GLG1: variants seen among roughly 807,000 people sequenced by gnomAD.
The protein encoded by GLG1 is Golgi apparatus protein 1.
Under a neutral mutation model 160.5 loss-of-function variants are expected in GLG1, and 38 were observed. That is an observed-to-expected ratio of 0.24 (90% CI 0.18 to 0.31). The LOEUF (loss-of-function observed/expected upper bound fraction) is 0.31, where lower values mean the gene tolerates loss of function less well. Among genes scored for constraint, GLG1 ranks in the 10% least tolerant of loss-of-function variants. GLG1 has a pLI of 1.00. For missense variants in GLG1, 1,373 were observed against 1,505.2 expected, an observed-to-expected ratio of 0.91 and a Z score of 1.45; for synonymous variants, 644 against 543.4, an observed-to-expected ratio of 1.19 and a Z score of -2.57.
chr16:74,456,786 C>G (rs1019582549), intron 24 of GLG1, 31 bp from the exon 25 acceptor site: 4 of 1,280,726 alleles, frequency 3.1e-6, no homozygotes, highest in Admixed American at 1.7e-5. Flanking sequence ...TAAGAAGAAC[C>G]TGAAACTGTA....
intron 2 of GLG1, among the ~76,000 whole-genome samples, chr16:74,525,675 C>T (rs1179520165): frequency 6.7e-6 from 1 of 149,774 alleles, no homozygotes; most frequent in Non-Finnish European, 1.5e-5. Flanking sequence ...CTGAGAAATG[C>T]CTATTCAAAT....
At chr16:74,603,679 T>G (rs1197647440) in intron 1 of GLG1, among the ~76,000 whole-genome samples, 1 of 151,968 alleles carries the variant, frequency 6.6e-6, no homozygotes, top group Non-Finnish European at 1.5e-5. Flanking sequence ...CAACCAAGAA[T>G]AAGTAAAGTA....
In GLG1 at chr16:74,496,658, G is replaced by A. The variant is rs779307079; in HGVS notation, c.775-14C>T. 1.2e-5 allele frequency: 18 copies of A among 1,545,098 alleles called. No homozygotes were observed. Among genetic ancestry groups the A allele is most frequent in the Admixed American group, 6.8e-5 (4 of 58,728 alleles). The stretch of plus-strand genomic sequence containing the variant: ...TGAATGTGCATCCTAAAATAGCGAG[G>A]ATATTAATATTTTAAAACTTTTATC... On this transcript the variant is annotated splice_polypyrimidine_tract_variant and intron_variant, in intron 4 of 25. Transcript: ENST00000422840.
intron 2 of GLG1, among the ~76,000 whole-genome samples, chr16:74,530,646 T>C (rs1485396383): frequency 1.3e-5 from 2 of 151,516 alleles, no homozygotes; most frequent in African/African-American, 4.9e-5. Flanking sequence ...TTTTTTTTTT[T>C]CTTTTTAAGA....
intron 9 of GLG1, among the ~76,000 whole-genome samples, chr16:74,483,614 A>G (rs541012387): frequency 6.6e-6 from 1 of 152,076 alleles, no homozygotes; most frequent in East Asian, 1.9e-4. Flanking sequence ...AAGCTTTACT[A>G]TCATGTAATA....
chr16:74,496,887 G>GGA (rs2016209843), intron 4 of GLG1, among the ~76,000 whole-genome samples: 1 of 152,050 alleles, frequency 6.6e-6, no homozygotes, highest in South Asian at 2.1e-4. Flanking sequence ...TGCTACAAAT[G>GGA]GAAACAGAGA....
At chr16:74,485,998 C>T (rs1022360943) in intron 8 of GLG1, 81 bp from the exon 9 acceptor site, 9 of 1,098,836 alleles carry the variant, frequency 8.2e-6, no homozygotes, top group East Asian at 4.8e-5. Context: ...CATTCAGTTG[C>T]TCAGTCCTAT....
chr16:74,477,977 A>AAAAAAAATAAATAAAT (rs55773213), intron 11 of GLG1, among the ~76,000 whole-genome samples: 5 of 140,200 alleles, frequency 3.6e-5, no homozygotes, highest in Middle Eastern at 3.5e-3. Context: ...CCGTCTCAAA[A>AAAAAAAATAAATAAAT]AAATAAATAA....
intron 1 of GLG1, among the ~76,000 whole-genome samples, chr16:74,585,817 C>T (rs926479057): frequency 2.0e-5 from 3 of 151,640 alleles, no homozygotes; most frequent in Non-Finnish European, 4.4e-5. Context: ...AATCTCAACA[C>T]TTTGGGAGGC....
intron 12 of GLG1, among the ~76,000 whole-genome samples, chr16:74,476,336 C>T (rs565888724): frequency 6.6e-6 from 1 of 152,292 alleles, no homozygotes; most frequent in Admixed American, 6.5e-5. Flanking sequence ...ACAGAGGCAA[C>T]AGAAAGCTCA....
At chr16:74,462,304 AAAAC>A in intron 21 of GLG1, 109 bp from the exon 22 acceptor site, 1 of 819,474 alleles carries the variant, frequency 1.2e-6, no homozygotes. Context: ...GAACAAGAAA[AAAAC>A]AAAAAGAACA....
At chr16:74,483,164 G>C in intron 9 of GLG1, 40 bp from the exon 10 acceptor site, 1 of 1,152,748 alleles carries the variant, frequency 8.7e-7, no homozygotes, top group East Asian at 2.3e-5. Context: ...AGAGAGAAGT[G>C]TTCAGAACTC....
At position 74,480,291 on chromosome 16, in the gene GLG1, A is replaced by G; in HGVS notation, c.1777T>C (p.Phe593Leu). ...TSEFMPQGAV[F>L]SCLYRHAYRT... Reference sequence around the variant, plus strand: ...TAGGCGTGTCTGTATAAACAAGAGAACACAGCTCCCTGAGGCATAAATTCA... The same window carrying G: ...TAGGCGTGTCTGTATAAACAAGAGAGCACAGCTCCCTGAGGCATAAATTCA... Residue 593 changes from phenylalanine (F) to leucine (L), a missense_variant, in exon 11 of 26, where the codon TTC becomes CTC. Phe to Leu is a conservative substitution (Grantham distance 22). Around this residue, in one of 4 missense-constraint regions of GLG1, gnomAD observed 386 missense variants for 388.5 expected, o/e 0.99. Transcript: ENST00000422840. 1.2e-6 allele frequency: 2 copies of G among 1,613,324 alleles called. No homozygotes were observed. The highest frequency in any genetic ancestry group is 1.3e-5 in the African/African-American group (1 of 75,052).
At chr16:74,472,516 T>G (rs888892028) in intron 13 of GLG1, 105 bp from the exon 14 acceptor site, 1 of 1,355,452 alleles carries the variant, frequency 7.4e-7, no homozygotes, top group East Asian at 2.5e-5. Flanking sequence ...GCAAATAATC[T>G]AATACATACT....
chr16:74,452,226 C>T lies in GLG1; in HGVS notation c.*941G>A, dbSNP rs1446264147. On this transcript the variant is annotated 3_prime_UTR_variant, in exon 26 of 26. Coordinates refer to ENST00000422840, the MANE Select transcript of GLG1 (RefSeq NM_001145667.2). ...CTTCAAGGACCCCTCCCGCCACAGT[C>T]CTGCCTCCTGATGAAGCGCAGAGCT... 11 of 1,547,636 alleles carry T rather than the reference C, an allele frequency of 7.1e-6. No homozygotes were observed. The highest frequency in any genetic ancestry group is 8.7e-6 in the Non-Finnish European group (10 of 1,147,196).
intron 1 of GLG1, among the ~76,000 whole-genome samples, chr16:74,594,735 G>C (rs1474544116): frequency 6.7e-6 from 1 of 149,284 alleles, no homozygotes; most frequent in Non-Finnish European, 1.5e-5. Context: ...AAGATTAGGA[G>C]GCTTTTGTTT....
rs1226044065 is a variant in GLG1 at position 74,607,000 on chromosome 16, C to A, written c.95G>T (p.Gly32Val). 6.2e-7 allele frequency: 1 copy of A among 1,605,054 alleles called. No individual in the cohort carries two copies. The highest frequency in any genetic ancestry group is 1.3e-5 in the African/African-American group (1 of 74,876). The change falls in exon 1 of 26, where the codon GGC becomes GTC. Residue 32 changes from glycine (G) to valine (V), a missense_variant. Physicochemically the swap from Gly to Val is moderately radical, Grantham distance 109. Coordinates refer to ENST00000422840, the MANE Select transcript of GLG1 (RefSeq NM_001145667.2). ...CTGGCCCTGGCTGTGGACGCCCTGG[C>A]CGGGGAGTTTCTCGGCCCCGGCCGC... ...LFAAGAEKLP[G>V]QGVHSQGQGP...
chr16:74,494,530 C>T lies in GLG1; in HGVS notation c.1050+230G>A, dbSNP rs148988885. 6.2e-3 allele frequency among the ~76,000 whole-genome samples: 933 copies of T among 151,592 alleles called. 9 individuals carry two copies. Among genetic ancestry groups the T allele is most frequent in the African/African-American group, 0.022 (913 of 41,270 alleles). On this transcript the variant is annotated intron_variant, in intron 6 of 25. Coordinates refer to ENST00000422840, the MANE Select transcript of GLG1 (RefSeq NM_001145667.2). Reference sequence around the variant, plus strand: ...CAAGTGATTTTCCTGCTTCAGCCTCCCGAGTAGCTGGGATTACAGGCGCCC... The same window carrying T: ...CAAGTGATTTTCCTGCTTCAGCCTCTCGAGTAGCTGGGATTACAGGCGCCC...
At chr16:74,568,512 G>C (rs933789613) in intron 1 of GLG1, among the ~76,000 whole-genome samples, 1 of 151,708 alleles carries the variant, frequency 6.6e-6, no homozygotes, top group Non-Finnish European at 1.5e-5. Flanking sequence ...CCGCCTCCCG[G>C]GTTCAAGCGA....
Sources: gnomAD v4.1 joint callset for allele counts (sites outside exome capture counted in the v4.1 genomes callset) on GRCh38, gnomAD v4.1.1 for gene constraint, gnomAD v4.1.1 regional missense constraint, MANE v1.5 for transcripts, NCBI Gene and HGNC (gene_info 2026-07-23, HGNC 2026-07-21) for gene names.